NALCN: variants seen among roughly 807,000 people sequenced by gnomAD.
NALCN encodes the protein sodium leak channel NALCN.
Under a neutral mutation model 225.3 loss-of-function variants are expected in NALCN, and 111 were observed. That is an observed-to-expected ratio of 0.49 (90% CI 0.42 to 0.58). The LOEUF (loss-of-function observed/expected upper bound fraction) is 0.58. Among genes scored for constraint, NALCN ranks in the 20% least tolerant of loss-of-function variants. The pLI, the probability that NALCN is intolerant of heterozygous loss-of-function variation, is 0.00. For synonymous variants in NALCN, 764 were observed against 769.0 expected (o/e 0.99, Z 0.11); for missense variants, 1,378 against 2,202.4 (o/e 0.63, Z 7.49).
chr13:101,144,522 C>A (rs1465107028), intron 16 of NALCN, among the ~76,000 whole-genome samples: 2 of 152,196 alleles, frequency 1.3e-5, no homozygotes, highest in Admixed American at 6.5e-5. Context: ...GGGAAGCAGC[C>A]TTCTTGCTTA....
chr13:101,334,374 G>GAAGAATGGGATGAA (rs2045293029), intron 7 of NALCN, among the ~76,000 whole-genome samples: 1 of 77,786 alleles, frequency 1.3e-5, no homozygotes, highest in African/African-American at 8.0e-5. Flanking sequence ...AGGGGGAGCG[G>GAAGAATGGGATGAA]TAGGAGAGAG....
At chr13:101,385,859 C>T (rs906540904) in intron 3 of NALCN, among the ~76,000 whole-genome samples, 5 of 152,172 alleles carry the variant, frequency 3.3e-5, no homozygotes, top group African/African-American at 1.2e-4. Flanking sequence ...ATTCTGGATT[C>T]AGCATGCATC....
intron 27 of NALCN, 65 bp downstream of exon 27, chr13:101,100,719 G>T (rs2034763055): frequency 7.4e-7 from 1 of 1,351,560 alleles, no homozygotes; most frequent in Non-Finnish European, 1.0e-6. Context: ...TGCTAGGATT[G>T]TAGGCACATG....
chr13:101,093,106 A>G (rs1013093397), intron 28 of NALCN, among the ~76,000 whole-genome samples: 1 of 152,108 alleles, frequency 6.6e-6, no homozygotes, highest in African/African-American at 2.4e-5. Flanking sequence ...CCATTTTCCT[A>G]TATTCCAGAC....
chr13:101,112,978 A>G (rs1207407173), intron 18 of NALCN, among the ~76,000 whole-genome samples: 1 of 152,180 alleles, frequency 6.6e-6, no homozygotes, highest in African/African-American at 2.4e-5. Flanking sequence ...CTTACTAAAT[A>G]TGTCATATTT....
intron 13 of NALCN, among the ~76,000 whole-genome samples, chr13:101,221,610 C>G (rs918137954): frequency 6.6e-6 from 1 of 152,144 alleles, no homozygotes; most frequent in African/African-American, 2.4e-5. Context: ...CAGGATTTTG[C>G]TGCAATATGT....
At chr13:101,217,190 T>G (rs1189525002) in intron 13 of NALCN, among the ~76,000 whole-genome samples, 1 of 152,166 alleles carries the variant, frequency 6.6e-6, no homozygotes, top group African/African-American at 2.4e-5. Context: ...GCTTATGAGC[T>G]TTTGTTAGGC....
chr13:101,335,220 C>A (rs1218560643), intron 7 of NALCN, among the ~76,000 whole-genome samples: 1 of 152,170 alleles, frequency 6.6e-6, no homozygotes, highest in African/African-American at 2.4e-5. Flanking sequence ...AGACAATGGA[C>A]AACCTTATTT....
chr13:101,212,705 A>G (rs983629815), intron 13 of NALCN, among the ~76,000 whole-genome samples: 1 of 152,150 alleles, frequency 6.6e-6, no homozygotes, highest in Non-Finnish European at 1.5e-5. Context: ...CAAAGAGGAC[A>G]CAATATCCTC....
chr13:101,226,909 C>T (rs2041165394), intron 13 of NALCN, among the ~76,000 whole-genome samples: 1 of 152,188 alleles, frequency 6.6e-6, no homozygotes, highest in Admixed American at 6.5e-5. Flanking sequence ...TCTCCTATCC[C>T]TTCCTTCCTT....
chr13:101,121,904 T>C (rs1303765833), intron 18 of NALCN, among the ~76,000 whole-genome samples: 6 of 151,602 alleles, frequency 4.0e-5, no homozygotes, highest in South Asian at 2.1e-4. Context: ...TTCCCAATTT[T>C]GTGGAAGGTT....
chr13:101,135,323 A>G (rs992191418), intron 17 of NALCN, among the ~76,000 whole-genome samples: 1 of 152,274 alleles, frequency 6.6e-6, no homozygotes, highest in African/African-American at 2.4e-5. Flanking sequence ...CTGCAGAGAC[A>G]AAAGAAGGTG....
intron 13 of NALCN, among the ~76,000 whole-genome samples, chr13:101,197,091 C>T (rs1047276428): frequency 6.6e-6 from 1 of 152,162 alleles, no homozygotes; most frequent in African/African-American, 2.4e-5. Context: ...TATTTTGCCT[C>T]TGGAACAAGT....
intron 13 of NALCN, among the ~76,000 whole-genome samples, chr13:101,194,297 TTG>T (rs1295319017): frequency 6.6e-6 from 1 of 152,216 alleles, no homozygotes; most frequent in Non-Finnish European, 1.5e-5. Flanking sequence ...AAAGCTCATA[TTG>T]TGAGATGCAC....
rs753011142 is a variant in NALCN at position 101,089,971 on chromosome 13, G to A, written c.3270-5C>T. 1.9e-6 allele frequency: 3 copies of A among 1,613,772 alleles called. No individual in the cohort carries two copies. The highest frequency in any genetic ancestry group is 2.2e-5 in the East Asian group (1 of 44,874). ...TTAAAGTTCCGAGGATTCGCCCTGCGATTCCAATACAGGAATGTTCTGTGA... is the reference window on the plus strand; with the variant it reads ...TTAAAGTTCCGAGGATTCGCCCTGCAATTCCAATACAGGAATGTTCTGTGA... On this transcript the variant is annotated splice_polypyrimidine_tract_variant and splice_region_variant and intron_variant, in intron 28 of 43. Coordinates refer to ENST00000251127, the MANE Select transcript of NALCN (RefSeq NM_052867.4). This position sits in a 1 kb window ranked among gnomAD's most constrained non-coding sequence, Gnocchi z 4.7.
chr13:101,223,067 A>C (rs997570526), intron 13 of NALCN, among the ~76,000 whole-genome samples: 1 of 151,780 alleles, frequency 6.6e-6, no homozygotes, highest in African/African-American at 2.4e-5. Context: ...CACAATTCAA[A>C]CCCCCCAAAC....
intron 12 of NALCN, 75 bp downstream of exon 12, chr13:101,237,680 G>T: frequency 1.1e-6 from 1 of 877,410 alleles, no homozygotes; most frequent in Non-Finnish European, 1.6e-6. Flanking sequence ...CTATGTGGTT[G>T]TTAAAATAAT....
intron 7 of NALCN, among the ~76,000 whole-genome samples, chr13:101,341,455 T>C (rs1197011327): frequency 2.6e-5 from 4 of 152,224 alleles, no homozygotes; most frequent in African/African-American, 9.7e-5. Context: ...ATGTTTTCTT[T>C]AGCTTTGATT....
At chr13:101,144,233 T>C (rs955820913) in intron 16 of NALCN, among the ~76,000 whole-genome samples, 2 of 152,210 alleles carry the variant, frequency 1.3e-5, no homozygotes, top group African/African-American at 4.8e-5. Flanking sequence ...CAAATCAGTA[T>C]GAGTGGAAAA....
Sources: gnomAD v4.1 joint callset for allele counts (sites outside exome capture counted in the v4.1 genomes callset) on GRCh38, gnomAD v4.1.1 for gene constraint, Gnocchi (gnomAD v3.1) non-coding constraint, MANE v1.5 for transcripts, NCBI Gene and HGNC (gene_info 2026-07-23, HGNC 2026-07-21) for gene names.